The following MFSD2A variants were observed in gnomAD, a reference collection of about 807,000 sequenced individuals.
The protein encoded by MFSD2A is MFSD2 lysolipid transporter A, lysophospholipid.
Under a neutral mutation model 64.7 loss-of-function variants are expected in MFSD2A, and 27 were observed. The ratio of observed to expected loss-of-function variants is 0.42; its 90% CI spans 0.31 to 0.58. MFSD2A has a LOEUF of 0.58. Among genes scored for constraint, MFSD2A ranks in the 20% least tolerant of loss-of-function variants. The pLI, the probability that MFSD2A is intolerant of heterozygous loss-of-function variation, is 0.18. For missense variants in MFSD2A, 474 were observed against 679.5 expected, an observed-to-expected ratio of 0.70 and a Z score of 3.36; for synonymous variants, 258 against 273.4, an observed-to-expected ratio of 0.94 and a Z score of 0.55.
intron 11 of MFSD2A, 77 bp downstream of exon 11, chr1:39,967,993 C>G: frequency 1.1e-6 from 1 of 899,710 alleles, no homozygotes; most frequent in Non-Finnish European, 1.7e-6. Context: ...AGGGAGAGTT[C>G]TATGCAGTGT....
At position 39,967,497 on chromosome 1, in the gene MFSD2A, C is replaced by T. The variant is rs370669037; in HGVS notation, c.1012-131C>T. On this transcript the variant is annotated intron_variant, in intron 9 of 13. Coordinates refer to ENST00000372811, the MANE Select transcript of MFSD2A (RefSeq NM_032793.5). ...AGCCGTCAAAGGTGCCTGTCATCTT[C>T]GTTGCTGCCCACATGATGTCATCTG... The T allele has an allele frequency of 2.1e-4, 178 of 833,100 alleles. 1 individual carries two copies. In the East Asian group the frequency reaches 3.7e-3, roughly 17 times the overall value. The allele number at this position is 833,100 out of a possible 1,614,324, so 51.6% of individuals were successfully genotyped here.
In MFSD2A at chr1:39,955,275, C is replaced by T. The variant is rs1644900230; in HGVS notation, c.-18C>T. ...AGCATCCCGTCTACCAGGTCCCAAGCGGCGTGGCCCGCGGGTCATGGCCAA... is the reference window on the plus strand; with the variant it reads ...AGCATCCCGTCTACCAGGTCCCAAGTGGCGTGGCCCGCGGGTCATGGCCAA... On this transcript the variant is annotated 5_prime_UTR_variant, in exon 1 of 14. Transcript: ENST00000372811. This position sits in a 1 kb window ranked among gnomAD's most constrained non-coding sequence, Gnocchi z 5.9. 1 of 1,403,942 alleles carries T rather than the reference C, an allele frequency of 7.1e-7. No individual in the cohort carries two copies. The highest frequency in any genetic ancestry group is 1.7e-5 in the South Asian group (1 of 57,680). The allele number at this position is 1,403,942 out of a possible 1,614,324, so 87.0% of individuals were successfully genotyped here.
chr1:39,967,391 G>A (rs181147794), intron 9 of MFSD2A: 15 of 625,818 alleles, frequency 2.4e-5, no homozygotes, highest in South Asian at 1.8e-4. Context: ...AAGCAAGGGC[G>A]AGGACACCAG....
At chr1:39,962,551 C>T (rs745701784) in intron 3 of MFSD2A, 6 of 594,934 alleles carry the variant, frequency 1.0e-5, no homozygotes, top group Non-Finnish European at 1.5e-5. Flanking sequence ...CACCAAATGG[C>T]GGATGACACT....
intron 3 of MFSD2A, among the ~76,000 whole-genome samples, chr1:39,961,744 T>C (rs1396976280): frequency 1.3e-5 from 2 of 150,424 alleles, no homozygotes; most frequent in African/African-American, 4.9e-5. Context: ...ACTCCCAGCC[T>C]CAAGCAATAC....
Position 39,967,674 on chromosome 1 carries a change from G to A in MFSD2A, c.1058G>A (p.Arg353Gln), listed in dbSNP as rs540449746. 9.8e-5 allele frequency: 158 copies of A among 1,614,136 alleles called. No homozygotes were observed. The highest frequency in any genetic ancestry group is 8.2e-4 in the South Asian group (75 of 91,084). ...TIPIWQWFLT[R>Q]FGKKTAVYVG... is the part of the protein sequence containing the mutation. The stretch of plus-strand genomic sequence containing the variant: ...CCCATCTGGCAGTGGTTCTTGACCC[G>A]GTTTGGCAAGAAGACAGCTGTATAT... Residue 353 changes from arginine to glutamine, a missense_variant, in exon 10 of 14, where the codon CGG becomes CAG. Arg to Gln is a conservative substitution (Grantham distance 43). Transcript: ENST00000372811.
chr1:39,967,135 G>T lies in MFSD2A; in HGVS notation c.977G>T (p.Arg326Leu), dbSNP rs776741331. ...VLFCTYTLGF[R>L]NEFQNLLLAI... Reference sequence around the variant, plus strand: ...TTTTGCACCTACACCTTGGGCTTCCGCAATGAATTCCAGAATCTACTCCTG... The same window carrying T: ...TTTTGCACCTACACCTTGGGCTTCCTCAATGAATTCCAGAATCTACTCCTG... Residue 326 changes from arginine (R) to leucine (L), a missense_variant, in exon 9 of 14, where the codon CGC becomes CTC. Physicochemically the swap from Arg to Leu is moderately radical, Grantham distance 102. Transcript: ENST00000372811. 3.1e-6 allele frequency: 5 copies of T among 1,614,022 alleles called. No individual in the cohort carries two copies. Among genetic ancestry groups the T allele is most frequent in the Middle Eastern group, 3.3e-4 (2 of 6,062 alleles).
chr1:39,969,350 A>G (rs1434566211), intron 13 of MFSD2A, among the ~76,000 whole-genome samples, 155 bp from the exon 14 acceptor site: 2 of 152,004 alleles, frequency 1.3e-5, no homozygotes, highest in Admixed American at 1.3e-4. Flanking sequence ...AAACAGACCA[A>G]CCAACAGTTG....
chr1:39,956,985 G>T, intron 1 of MFSD2A, 102 bp from the exon 2 acceptor site: 3 of 869,146 alleles, frequency 3.5e-6, no homozygotes, highest in Non-Finnish European at 5.3e-6. Context: ...AAGCAGAGTT[G>T]TTTGTTCTGG....
In MFSD2A at chr1:39,967,214, C is replaced by T. The variant is rs758489086; in HGVS notation, c.1011+45C>T. ...GGGCGGGCAGCCTGGGCTGAGGTGA[C>T]ATAGGCTGTGGAATGGTTCTTGGAA... On this transcript the variant is annotated intron_variant, in intron 9 of 13. Transcript: ENST00000372811. 2.6e-6 allele frequency: 4 copies of T among 1,543,150 alleles called. No individual in the cohort carries two copies. The South Asian group carries it at 4.5e-5, about 17-fold the overall frequency.
Position 39,960,667 on chromosome 1 carries a change from A to C in MFSD2A, c.353+1842A>C, listed in dbSNP as rs1284248874. Among the ~76,000 whole-genome samples the C allele has an allele frequency of 6.6e-6, 1 of 152,250 alleles. No homozygotes were observed. The highest frequency in any genetic ancestry group is 6.5e-5 in the Admixed American group (1 of 15,292). Reference sequence around the variant, plus strand: ...CAGTTACACTGGGTTCCTCAGCAGCAGCTGCTCAGCTGCTTATGAGCAGAG... The same window carrying C: ...CAGTTACACTGGGTTCCTCAGCAGCCGCTGCTCAGCTGCTTATGAGCAGAG... On this transcript the variant is annotated intron_variant, in intron 3 of 13. Coordinates refer to ENST00000372811, the MANE Select transcript of MFSD2A (RefSeq NM_032793.5). The surrounding 1 kb of genome is among the most constrained non-coding windows in gnomAD (Gnocchi z 4.8).
chr1:39,957,565 T>G (rs1010642531), intron 2 of MFSD2A, among the ~76,000 whole-genome samples: 1 of 152,318 alleles, frequency 6.6e-6, no homozygotes, highest in African/African-American at 2.4e-5. Context: ...GGCTGGGAGA[T>G]AGTCAGCTGG....
Position 39,969,629 on chromosome 1 carries a change from TGCC to T in MFSD2A, c.*63_*65del. ...GCCACAGAAGGGATCAGGACCTGTC[TGCC>T]GGCTTGCTGAGCAGCTGGACTGCAG... On this transcript the variant is annotated 3_prime_UTR_variant, in exon 14 of 14. Transcript: ENST00000372811. The T allele has an allele frequency of 1.3e-6, 2 of 1,503,382 alleles. No individual in the cohort carries two copies. The highest frequency in any genetic ancestry group is 9.1e-7 in the Non-Finnish European group (1 of 1,101,556). The allele number at this position is 1,503,382 out of a possible 1,614,324, so 93.1% of individuals were successfully genotyped here.
rs925433121 is a variant in MFSD2A, at chr1:39,960,150, G to C, written c.353+1325G>C. Among the ~76,000 whole-genome samples the C allele has an allele frequency of 6.6e-6, 1 of 152,244 alleles. No individual in the cohort carries two copies. Among genetic ancestry groups the C allele is most frequent in the Admixed American group, 6.5e-5 (1 of 15,288 alleles). On this transcript the variant is annotated intron_variant, in intron 3 of 13. Transcript: ENST00000372811. The surrounding 1 kb of genome is among the most constrained non-coding windows in gnomAD (Gnocchi z 4.8). ...GTAGGCGGAGGTGGTGCCACGGATCGGATCAGACGGCAGGGGAGACGCACA... is the reference window on the plus strand; with the variant it reads ...GTAGGCGGAGGTGGTGCCACGGATCCGATCAGACGGCAGGGGAGACGCACA...
chr1:39,967,369 T>C, intron 9 of MFSD2A, 200 bp downstream of exon 9: 2 of 633,996 alleles, frequency 3.2e-6, no homozygotes, highest in South Asian at 1.9e-5. Flanking sequence ...GTTTGAGTAG[T>C]GAGCACAGCA....
Position 39,958,650 on chromosome 1 carries a change from T to C in MFSD2A, c.229-51T>C. 6.2e-7 allele frequency: 1 copy of C among 1,614,020 alleles called. No homozygotes were observed. The highest frequency in any genetic ancestry group is 8.5e-7 in the Non-Finnish European group (1 of 1,179,986). ...TCTGCTTCTGCCTACCAGTGAGAGTTGAGGCGAGTAGAAGGATGAGGAAGT... is the reference window on the plus strand; with the variant it reads ...TCTGCTTCTGCCTACCAGTGAGAGTCGAGGCGAGTAGAAGGATGAGGAAGT... On this transcript the variant is annotated intron_variant, in intron 2 of 13. Transcript: ENST00000372811. The surrounding 1 kb of genome is among the most constrained non-coding windows in gnomAD (Gnocchi z 4.7).
rs1644978680 is a variant in MFSD2A, at chr1:39,958,826, G to A, written c.353+1G>A. The A allele has an allele frequency of 1.9e-6, 3 of 1,604,090 alleles. No homozygotes were observed. The highest frequency in any genetic ancestry group is 1.7e-4 in the Middle Eastern group (1 of 6,002). On this transcript the variant is annotated splice_donor_variant, in intron 3 of 13. Transcript: ENST00000372811. LOFTEE classifies it high-confidence loss of function. The surrounding 1 kb of genome is among the most constrained non-coding windows in gnomAD (Gnocchi z 4.7). ...CCTGCCTGGGTCGCCTTATGCCCTG[G>A]TGAGTAGAATATGCCCCTTCGAGGT...
intron 2 of MFSD2A, 132 bp downstream of exon 2, chr1:39,957,353 G>A: frequency 1.1e-6 from 1 of 913,242 alleles, no homozygotes; most frequent in Admixed American, 2.7e-5. Context: ...CTGCCTCTGA[G>A]TCAGTGAGCA....
rs140184625 is a variant in MFSD2A at position 39,958,285 on chromosome 1, G to C, written c.229-416G>C. The stretch of plus-strand genomic sequence containing the variant: ...TCCAAGATAGAGCTTGAACCTGTAA[G>C]GTAGAGCTCATAACTCCCATTATAC... On this transcript the variant is annotated intron_variant, in intron 2 of 13. Coordinates refer to ENST00000372811, the MANE Select transcript of MFSD2A (RefSeq NM_032793.5). This position sits in a 1 kb window ranked among gnomAD's most constrained non-coding sequence, Gnocchi z 4.7. Among the ~76,000 whole-genome samples, 715 of 152,198 alleles carry C rather than the reference G, an allele frequency of 4.7e-3. 2 individuals carry two copies. Among genetic ancestry groups the C allele is most frequent in the Non-Finnish European group, 7.5e-3 (509 of 68,002 alleles).
Sources: gnomAD v4.1 joint callset for allele counts (sites outside exome capture counted in the v4.1 genomes callset) on GRCh38, gnomAD v4.1.1 for gene constraint, Gnocchi (gnomAD v3.1) non-coding constraint, MANE v1.5 for transcripts, NCBI Gene and HGNC (gene_info 2026-07-23, HGNC 2026-07-21) for gene names.